The following CRY1 variants were observed in gnomAD, a reference collection of about 807,000 sequenced individuals.
CRY1 encodes the protein cryptochrome-1.
Under a neutral mutation model 76.0 loss-of-function variants are expected in CRY1, and 45 were observed. The observed-to-expected ratio is 0.59, with a 90% CI of 0.47 to 0.76. The LOEUF is 0.76. CRY1 is among the 30% of genes least tolerant of loss of function. CRY1 has a pLI of 0.00. For synonymous variants in CRY1, 248 were observed against 244.0 expected (o/e 1.02, Z -0.15); for missense variants, 587 against 716.4 (o/e 0.82, Z 2.06).
chr12:107,021,929 T>C (rs1042152061), intron 2 of CRY1, among the ~76,000 whole-genome samples, 155 bp downstream of exon 2: 2 of 152,284 alleles, frequency 1.3e-5, no homozygotes, highest in South Asian at 2.1e-4. Flanking sequence ...TTACCATGTA[T>C]AGCTTTTTCA....
In CRY1 at chr12:106,999,827, A is replaced by G. The variant is rs1160331595; in HGVS notation, c.861T>C (p.Tyr287=). 6.2e-7 allele frequency: 1 copy of G among 1,613,890 alleles called. No individual in the cohort carries two copies. The highest frequency in any genetic ancestry group is 8.5e-7 in the Non-Finnish European group (1 of 1,179,910). The change falls in exon 7 of 13, where the codon TAT becomes TAC. Residue 287 remains tyrosine, a synonymous_variant. Coordinates refer to ENST00000008527, the MANE Select transcript of CRY1 (RefSeq NM_004075.5). ...KKNSSPPLSL[Y]GQLLWREFFY... is the part of the protein sequence containing the mutation. ...AAAATTCACGCCATAACAGTTGCCC[A>G]TAAAGGGAAAGGGGAGGGGAACTGT...
At chr12:107,047,183 G>C (rs1320295061) in intron 1 of CRY1, among the ~76,000 whole-genome samples, 1 of 152,086 alleles carries the variant, frequency 6.6e-6, no homozygotes, top group African/African-American at 2.4e-5. Context: ...TATCTTTTCT[G>C]ACCACAATGG....
chr12:107,086,766 C>G (rs4964519), intron 1 of CRY1, among the ~76,000 whole-genome samples: 105,610 of 152,140 alleles, frequency 0.69, 37,492 homozygotes, highest in East Asian at 0.97. Flanking sequence ...AGAAGTCTGG[C>G]TGTCCAGGCA....
intron 1 of CRY1, among the ~76,000 whole-genome samples, chr12:107,022,958 G>A (rs762342140): frequency 1.9e-4 from 29 of 151,974 alleles, no homozygotes; most frequent in Non-Finnish European, 3.1e-4. Context: ...GAAAATTCTG[G>A]GGCAGTACCA....
At chr12:107,021,484 C>G (rs2136844202) in intron 2 of CRY1, among the ~76,000 whole-genome samples, 1 of 152,162 alleles carries the variant, frequency 6.6e-6, no homozygotes, top group East Asian at 1.9e-4. Context: ...ATTAAACGTT[C>G]AGTAGAAAGC....
At chr12:107,065,603 A>G (rs184108510) in intron 1 of CRY1, among the ~76,000 whole-genome samples, 4 of 152,306 alleles carry the variant, frequency 2.6e-5, no homozygotes, top group African/African-American at 7.2e-5. Context: ...TTCAAAAAAA[A>G]AAGAGTAAAA....
intron 1 of CRY1, among the ~76,000 whole-genome samples, chr12:107,063,755 G>A (rs1486941450): frequency 5.9e-5 from 9 of 152,146 alleles, no homozygotes; most frequent in South Asian, 2.1e-4. Context: ...GCACCACCAC[G>A]CCCAGCTAAT....
intron 1 of CRY1, among the ~76,000 whole-genome samples, chr12:107,039,502 G>C (rs987573938): frequency 1.3e-5 from 2 of 152,052 alleles, no homozygotes; most frequent in South Asian, 2.1e-4. Flanking sequence ...TTAAAAAATG[G>C]GCTATGCATT....
intron 1 of CRY1, among the ~76,000 whole-genome samples, chr12:107,053,536 T>C (rs973775774): frequency 6.6e-6 from 1 of 152,172 alleles, no homozygotes; most frequent in African/African-American, 2.4e-5. Context: ...CAGGCTGATC[T>C]CGAACTTCCA....
At chr12:107,092,687 G>T (rs1289829121) in intron 1 of CRY1, 117 bp downstream of exon 1, 1 of 1,440,918 alleles carries the variant, frequency 6.9e-7, no homozygotes. Flanking sequence ...AAATTCGTAA[G>T]CGGTATAAGC....
rs115179576 is a variant in CRY1, at chr12:107,061,811, A to T, written c.158+30993T>A. Among the ~76,000 whole-genome samples, 706 of 152,266 alleles carry T rather than the reference A, an allele frequency of 4.6e-3. 4 individuals are homozygous for T. Among genetic ancestry groups the T allele is most frequent in the African/African-American group, 0.016 (664 of 41,536 alleles). ...ATTAATTTCTTTCTCTAAACAAGTGATCAAAATTATCCAATGCTGGGAAGG... is the reference window on the plus strand; with the variant it reads ...ATTAATTTCTTTCTCTAAACAAGTGTTCAAAATTATCCAATGCTGGGAAGG... On this transcript the variant is annotated intron_variant, in intron 1 of 12. Transcript: ENST00000008527.
chr12:106,999,660 A>G lies in CRY1; in HGVS notation c.1028T>C (p.Ile343Thr), dbSNP rs1433090603. 1 of 1,614,152 alleles carries G rather than the reference A, an allele frequency of 6.2e-7. No individual in the cohort carries two copies. The highest frequency in any genetic ancestry group is 1.7e-5 in the Admixed American group (1 of 60,014). The stretch of plus-strand genomic sequence containing the variant: ...ACCCTCCTGACGAAGCTGTGTCATG[A>G]TGGCATCAATCCATGGAAAGCCTGT... The part of the protein sequence containing the change: ...GRTGFPWIDA[I>T]MTQLRQEGWI... The change falls in exon 7 of 13, where the codon ATC becomes ACC. Residue 343 changes from isoleucine (I) to threonine (T), a missense_variant. Transcript: ENST00000008527.
intron 1 of CRY1, among the ~76,000 whole-genome samples, chr12:107,038,984 C>T (rs542896709): frequency 2.4e-4 from 37 of 152,120 alleles, no homozygotes; most frequent in African/African-American, 8.7e-4. Flanking sequence ...GAGTGCTGGG[C>T]GTGGTGGTGC....
At chr12:107,021,160 G>T (rs986922744) in intron 2 of CRY1, among the ~76,000 whole-genome samples, 1 of 152,138 alleles carries the variant, frequency 6.6e-6, no homozygotes, top group East Asian at 1.9e-4. Flanking sequence ...GCGTGCGCCA[G>T]TAATCCCAGC....
intron 1 of CRY1, chr12:107,042,850 T>C (rs1408901754): frequency 6.6e-6 from 1 of 152,158 alleles, no homozygotes; most frequent in Non-Finnish European, 1.5e-5. Context: ...GAACTTCTCA[T>C]GGTGAGGAGA....
chr12:107,001,758 A>ACT lies in CRY1; in HGVS notation c.595+4_595+5dup. ...AAGCCTCACACTGACTACAGTTTAC[A>ACT]CTCACCTAGCTCTTCCAGTGAAGGG... On this transcript the variant is annotated splice_donor_region_variant and intron_variant, in intron 4 of 12. Coordinates refer to ENST00000008527, the MANE Select transcript of CRY1 (RefSeq NM_004075.5). 6.5e-7 allele frequency: 1 copy of ACT among 1,537,036 alleles called. No individual in the cohort carries two copies. Among genetic ancestry groups the ACT allele is most frequent in the South Asian group, 1.3e-5 (1 of 76,270 alleles).
intron 2 of CRY1, among the ~76,000 whole-genome samples, chr12:107,020,887 T>TTATTCTCTA (rs1277318614): frequency 6.6e-6 from 1 of 152,218 alleles, no homozygotes; most frequent in East Asian, 1.9e-4. Flanking sequence ...GGCAACTCAA[T>TTATTCTCTA]TATTCTCTAG....
chr12:107,087,362 T>C (rs1423776392), intron 1 of CRY1, among the ~76,000 whole-genome samples: 3 of 152,148 alleles, frequency 2.0e-5, no homozygotes, highest in Non-Finnish European at 2.9e-5. Context: ...CTCCAATCCA[T>C]GAAAGAAGCC....
At chr12:107,068,889 A>AT (rs1953144701) in intron 1 of CRY1, among the ~76,000 whole-genome samples, 2 of 152,186 alleles carry the variant, frequency 1.3e-5, no homozygotes, top group Admixed American at 1.3e-4. Flanking sequence ...TGTGTCTGAC[A>AT]TCCATGTTGT....
Sources: allele counts gnomAD v4.1 joint callset (sites outside exome capture counted in the v4.1 genomes callset), GRCh38; gene constraint gnomAD v4.1.1; transcripts MANE v1.5; gene names NCBI Gene and HGNC (gene_info 2026-07-23, HGNC 2026-07-21).